CDH1: variants seen among roughly 807,000 people sequenced by gnomAD.
CDH1 encodes the protein cadherin 1, also known as cadherin-1.
CDH1 carries 35 observed loss-of-function variants against 84.5 expected under a neutral mutation model. The ratio of observed to expected loss-of-function variants is 0.41; its 90% CI spans 0.32 to 0.55. The LOEUF (loss-of-function observed/expected upper bound fraction) is 0.55. Ranked by LOEUF, CDH1 falls within the 20% of genes least tolerant of loss-of-function variation. The probability of loss-of-function intolerance (pLI) is 0.19; values close to 1 mark genes in which losing one functional copy is unlikely to be tolerated. For synonymous variants in CDH1, 417 were observed against 439.0 expected (o/e 0.95, Z 0.63); for missense variants, 994 against 1,126.6 (o/e 0.88, Z 1.68).
chr16:68,835,066 C>T lies in CDH1; in HGVS notation c.*1567C>T. 4.3e-6 allele frequency: 1 copy of T among 231,858 alleles called. No individual in the cohort carries two copies. The highest frequency in any genetic ancestry group is 6.1e-5 in the East Asian group (1 of 16,516). 14.4% of individuals were successfully genotyped at this position (231,858 alleles called of 1,614,324 possible). On this transcript the variant is annotated 3_prime_UTR_variant, in exon 16 of 16. Transcript: ENST00000261769. ...TGATGATGTCTACAGAAAATGCTGG[C>T]TGAGCTGAACACATTTGCCCAATTC...
chr16:68,827,740 C>T (rs1321306956), intron 13 of CDH1, among the ~76,000 whole-genome samples: 1 of 152,040 alleles, frequency 6.6e-6, no homozygotes, highest in Non-Finnish European at 1.5e-5. Context: ...CCCTCCCGCC[C>T]TGCTTGCCCC....
At chr16:68,755,867 G>A (rs1385035448) in intron 2 of CDH1, among the ~76,000 whole-genome samples, 4 of 150,944 alleles carry the variant, frequency 2.6e-5, no homozygotes, top group African/African-American at 7.3e-5. Flanking sequence ...GGGTTCAAGC[G>A]ATTCTCCCAC....
intron 2 of CDH1, among the ~76,000 whole-genome samples, chr16:68,738,696 ACAGTCTCTCATTT>A (rs1962472266): frequency 6.6e-6 from 1 of 152,036 alleles, no homozygotes; most frequent in South Asian, 2.1e-4. Flanking sequence ...CACTGTAGAG[ACAGTCTCTCATTT>A]CAGACTGCAA....
At chr16:68,776,145 C>A (rs1959727067) in intron 2 of CDH1, among the ~76,000 whole-genome samples, 1 of 152,110 alleles carries the variant, frequency 6.6e-6, no homozygotes. Flanking sequence ...CACCACCATG[C>A]CTGACTAAGT....
rs1555516509 is a variant in CDH1, at chr16:68,819,271, C to T, written c.1566-9C>T. ...CCTATTCTAAAAGCCAGAGCTTGTC[C>T]CCGTTCAGATATCGGATTTGGAGAG... On this transcript the variant is annotated splice_polypyrimidine_tract_variant and intron_variant, in intron 10 of 15. Coordinates refer to ENST00000261769, the MANE Select transcript of CDH1 (RefSeq NM_004360.5). 5.0e-6 allele frequency: 8 copies of T among 1,614,170 alleles called. No homozygotes were observed. The highest frequency in any genetic ancestry group is 6.8e-6 in the Non-Finnish European group (8 of 1,180,020).
intron 2 of CDH1, among the ~76,000 whole-genome samples, chr16:68,797,666 A>C (rs1960397449): frequency 6.6e-6 from 1 of 152,160 alleles, no homozygotes; most frequent in South Asian, 2.1e-4. Context: ...GGTGACAGAG[A>C]CCTGTCTCAA....
At chr16:68,829,953 C>CTTT (rs67262350) in intron 15 of CDH1, among the ~76,000 whole-genome samples, 156 bp downstream of exon 15, 5 of 102,248 alleles carry the variant, frequency 4.9e-5, no homozygotes, top group African/African-American at 2.5e-4. Context: ...CTTTTTTTTT[C>CTTT]TTTTTCTTTT....
At chr16:68,823,278 A>G in intron 12 of CDH1, 121 bp from the exon 13 acceptor site, 1 of 729,824 alleles carries the variant, frequency 1.4e-6, no homozygotes, top group Non-Finnish European at 2.4e-6. Context: ...ATAAAACCCA[A>G]GCAGCTCTGC....
intron 6 of CDH1, 87 bp from the exon 7 acceptor site, chr16:68,811,597 T>G: frequency 1.7e-6 from 2 of 1,185,874 alleles, no homozygotes; most frequent in Admixed American, 3.4e-5. Flanking sequence ...CCCTCCTTTA[T>G]CCCTCAGGGC....
At chr16:68,746,103 C>T (rs1466792165) in intron 2 of CDH1, among the ~76,000 whole-genome samples, 1 of 152,232 alleles carries the variant, frequency 6.6e-6, no homozygotes, top group East Asian at 1.9e-4. Context: ...ACGCGTGAGC[C>T]ACCACACCCA....
chr16:68,796,706 AG>A (rs1393469782), intron 2 of CDH1, among the ~76,000 whole-genome samples: 3 of 152,204 alleles, frequency 2.0e-5, no homozygotes, highest in Non-Finnish European at 4.4e-5. Flanking sequence ...AGCAGCATGC[AG>A]GGATGACAGA....
intron 2 of CDH1, among the ~76,000 whole-genome samples, chr16:68,761,414 C>T (rs1449259697): frequency 6.6e-6 from 1 of 152,204 alleles, no homozygotes; most frequent in African/African-American, 2.4e-5. Context: ...CCCATCCTAC[C>T]CATCCATGTG....
At chr16:68,754,476 C>T (rs1387120785) in intron 2 of CDH1, among the ~76,000 whole-genome samples, 4 of 152,176 alleles carry the variant, frequency 2.6e-5, no homozygotes, top group Non-Finnish European at 4.4e-5. Context: ...GTGTATTGAG[C>T]GGTGCTTTCT....
Position 68,801,741 on chromosome 16 carries a change from A to G in CDH1, c.235A>G (p.Thr79Ala), listed in dbSNP as rs745327620. The G allele has an allele frequency of 5.6e-6, 9 of 1,614,200 alleles. No individual in the cohort carries two copies. The highest frequency in any genetic ancestry group is 7.6e-6 in the Non-Finnish European group (9 of 1,180,028). ...FSLDTRFKVGTDGVITVKRPL... is the reference protein window; with the variant it reads ...FSLDTRFKVGADGVITVKRPL... ...CCTCGACACCCGATTCAAAGTGGGC[A>G]CAGATGGTGTGATTACAGTCAAAAG... is the stretch of plus-strand genomic sequence containing the variant. The change falls in exon 3 of 16, where the codon ACA (threonine) becomes GCA (alanine). Residue 79 changes from threonine to alanine, a missense_variant. Thr to Ala is a moderately conservative substitution (Grantham distance 58). Coordinates refer to ENST00000261769, the MANE Select transcript of CDH1 (RefSeq NM_004360.5).
chr16:68,750,162 C>T (rs1361392146), intron 2 of CDH1, among the ~76,000 whole-genome samples: 76 of 19,378 alleles, frequency 3.9e-3, no homozygotes, highest in Non-Finnish European at 5.6e-3. Flanking sequence ...TTTTTTTTTG[C>T]CTTTGGAAGG....
In CDH1 at chr16:68,737,385, G is replaced by A. The variant is rs2152113902; in HGVS notation, c.-31G>A. On this transcript the variant is annotated 5_prime_UTR_variant, in exon 1 of 16. Transcript: ENST00000261769. ...CCGGCCCGACCCGACCGCACCCGGC[G>A]CCTGCCCTCGCTCGGCGTCCCCGGC... 2 of 1,528,126 alleles carry A rather than the reference G, an allele frequency of 1.3e-6. No homozygotes were observed. The highest frequency in any genetic ancestry group is 1.7e-6 in the Non-Finnish European group (2 of 1,143,210). 94.7% of individuals were successfully genotyped at this position (1,528,126 alleles called of 1,614,324 possible). A position where few individuals can be genotyped will look rare whatever the true frequency, so the allele number is the denominator to read the frequency against.
chr16:68,752,221 C>T (rs182184644), intron 2 of CDH1, among the ~76,000 whole-genome samples: 50 of 152,092 alleles, frequency 3.3e-4, no homozygotes, highest in African/African-American at 1.0e-3. Flanking sequence ...CAAAGTGCTG[C>T]GATTACAGGC....
At chr16:68,780,561 G>T (rs1959847920) in intron 2 of CDH1, among the ~76,000 whole-genome samples, 2 of 152,204 alleles carry the variant, frequency 1.3e-5, no homozygotes, top group South Asian at 4.1e-4. Context: ...AAGTGCTTGG[G>T]ATTACGGGCT....
intron 2 of CDH1, among the ~76,000 whole-genome samples, chr16:68,766,854 A>G (rs1959404486): frequency 6.6e-6 from 1 of 151,740 alleles, no homozygotes; most frequent in African/African-American, 2.4e-5. Flanking sequence ...CAGCCTCCCG[A>G]GTAGCTGGGA....
Sources: gnomAD v4.1 joint callset for allele counts (sites outside exome capture counted in the v4.1 genomes callset) on GRCh38, gnomAD v4.1.1 for gene constraint, MANE v1.5 for transcripts, NCBI Gene and HGNC (gene_info 2026-07-23, HGNC 2026-07-21) for gene names.